Variants in EYS observed in about 807,000 individuals in gnomAD.
EYS encodes the protein EGF-like photoreceptor maintenance factor, also known as protein eyes shut homolog.
A neutral mutation model predicts 282.1 loss-of-function variants in EYS; 250 were observed. That is an observed-to-expected ratio of 0.89 (90% CI 0.80 to 0.98). EYS has a LOEUF of 0.98. Among genes scored for constraint, EYS ranks in the 50% least tolerant of loss-of-function variants. The pLI, the probability that EYS is intolerant of heterozygous loss-of-function variation, is 0.00. For synonymous variants in EYS, 1,355 were observed against 1,282.9 expected (o/e 1.06, Z -1.20); for missense variants, 4,016 against 3,709.0 (o/e 1.08, Z -2.15).
chr6:65,008,490 T>C (rs1319892720), intron 13 of EYS, among the ~76,000 whole-genome samples: 1 of 152,140 alleles, frequency 6.6e-6, no homozygotes, highest in Non-Finnish European at 1.5e-5. Flanking sequence ...GCTTTAGTCA[T>C]GGCCCTCAGG....
chr6:64,333,337 C>A (rs975161641), intron 29 of EYS, among the ~76,000 whole-genome samples: 1 of 152,060 alleles, frequency 6.6e-6, no homozygotes, highest in African/African-American at 2.4e-5. Flanking sequence ...TTGATTGCTG[C>A]CAAGCTGCAC....
rs536579100 is a variant in EYS, at chr6:64,355,033, A to C, written c.6078+33657T>G. 1.5e-4 allele frequency among the ~76,000 whole-genome samples: 23 copies of C among 151,692 alleles called. 1 individual carries two copies. The Middle Eastern group carries it at 0.01, about 67-fold the overall frequency. On this transcript the variant is annotated intron_variant, in intron 29 of 42. Transcript: ENST00000503581. ...AATCTTTACTTCATATGTTTCTTTA[A>C]AACAACTCAGGACCAAAACAATTAC...
intron 29 of EYS, among the ~76,000 whole-genome samples, chr6:64,381,291 G>A (rs373033205): frequency 3.3e-5 from 5 of 151,962 alleles, no homozygotes; most frequent in South Asian, 2.1e-4. Context: ...TCTCTTCTCC[G>A]TTCTTACGTG....
At chr6:65,344,579 C>T (rs1770325427) in intron 9 of EYS, among the ~76,000 whole-genome samples, 1 of 151,416 alleles carries the variant, frequency 6.6e-6, no homozygotes, top group Admixed American at 6.6e-5. Context: ...AGAATGTGAC[C>T]TATATTCAAG....
intron 30 of EYS, among the ~76,000 whole-genome samples, chr6:64,241,773 T>G: frequency 6.6e-6 from 1 of 152,120 alleles, no homozygotes; most frequent in Non-Finnish European, 1.5e-5. Flanking sequence ...CTAGTTCTTT[T>G]AATTGTGATA....
rs1394138508 is a variant in EYS at position 65,331,719 on chromosome 6, T to G, written c.1766+3261A>C. 1.0e-5 allele frequency: 10 copies of G among 981,388 alleles called. No homozygotes were observed. The Admixed American group carries it at 6.2e-4, about 61-fold the overall frequency. 60.8% of individuals were successfully genotyped at this position (981,388 alleles called of 1,614,324 possible). A position where few individuals can be genotyped will look rare whatever the true frequency, so the allele number is the denominator to read the frequency against. On this transcript the variant is annotated intron_variant, in intron 11 of 42. Coordinates refer to ENST00000503581, the MANE Select transcript of EYS (RefSeq NM_001142800.2). The stretch of plus-strand genomic sequence containing the variant: ...AAATAAAAAAGCTTCTGAAAATCAT[T>G]GTTTCATTAAACAAGTATTTGTTGA...
chr6:65,150,849 T>G (rs1226036218), intron 12 of EYS, among the ~76,000 whole-genome samples: 3 of 151,988 alleles, frequency 2.0e-5, no homozygotes, highest in Non-Finnish European at 4.4e-5. Context: ...TTATTACCAA[T>G]TCTATCTATT....
chr6:65,611,910 T>C (rs1423289417), intron 2 of EYS, among the ~76,000 whole-genome samples: 1 of 152,038 alleles, frequency 6.6e-6, no homozygotes, highest in Non-Finnish European at 1.5e-5. Flanking sequence ...AACAGAAGAA[T>C]AAAGTCTAAA....
intron 36 of EYS, among the ~76,000 whole-genome samples, chr6:63,843,191 C>T (rs572329842): frequency 6.6e-6 from 1 of 152,280 alleles, no homozygotes; most frequent in African/African-American, 2.4e-5. Context: ...TTATAAATTA[C>T]TTTGGGCAGT....
chr6:65,298,576 G>A (rs1190659598), intron 11 of EYS, among the ~76,000 whole-genome samples: 2 of 151,720 alleles, frequency 1.3e-5, no homozygotes, highest in Non-Finnish European at 2.9e-5. Context: ...AAAATTTGAC[G>A]AGTTGTGGTT....
At chr6:65,701,914 G>A (rs79632402) in intron 1 of EYS, among the ~76,000 whole-genome samples, 1 of 152,210 alleles carries the variant, frequency 6.6e-6, no homozygotes, top group East Asian at 1.9e-4. Context: ...TTTAATACTT[G>A]AACATATTTC....
intron 26 of EYS, among the ~76,000 whole-genome samples, chr6:64,450,338 G>A (rs1775281580): frequency 1.3e-5 from 2 of 152,182 alleles, no homozygotes; most frequent in East Asian, 1.9e-4. Context: ...CCCAATACAG[G>A]AGCACCCAGA....
intron 22 of EYS, among the ~76,000 whole-genome samples, chr6:64,684,585 G>GAAA: frequency 1.6e-5 from 2 of 126,204 alleles, no homozygotes; most frequent in Non-Finnish European, 3.7e-5. Flanking sequence ...ATAATTATAG[G>GAAA]AAAAAAAATA....
intron 12 of EYS, among the ~76,000 whole-genome samples, chr6:65,073,633 AT>A (rs1406159065): frequency 1.3e-5 from 2 of 151,646 alleles, no homozygotes; most frequent in Admixed American, 1.3e-4. Flanking sequence ...CATTGATTAT[AT>A]TTTTATATAT....
At chr6:64,379,823 CT>C (rs1229583626) in intron 29 of EYS, 1 of 152,012 alleles carries the variant, frequency 6.6e-6, no homozygotes, top group Non-Finnish European at 1.5e-5. Flanking sequence ...GTACATATGC[CT>C]ACATATATAT....
chr6:64,130,890 A>G (rs1017213385), intron 31 of EYS, among the ~76,000 whole-genome samples: 4 of 152,018 alleles, frequency 2.6e-5, no homozygotes, highest in African/African-American at 9.7e-5. Context: ...ATTTTTGAGA[A>G]GGAGTCTCGC....
chr6:64,102,639 T>C (rs977592731), intron 31 of EYS, among the ~76,000 whole-genome samples: 2 of 152,200 alleles, frequency 1.3e-5, no homozygotes, highest in Non-Finnish European at 2.9e-5. Context: ...AGTTTAGTAT[T>C]TTTTATTTTA....
At chr6:64,626,719 A>G (rs1253310168) in intron 22 of EYS, among the ~76,000 whole-genome samples, 1 of 152,172 alleles carries the variant, frequency 6.6e-6, no homozygotes, top group Non-Finnish European at 1.5e-5. Context: ...CCTTGCTGAC[A>G]CTTTAGTTGG....
intron 22 of EYS, among the ~76,000 whole-genome samples, chr6:64,677,599 TG>T (rs1399333069): frequency 5.3e-5 from 8 of 152,170 alleles, no homozygotes; most frequent in African/African-American, 1.7e-4. Flanking sequence ...TTTTATAGTT[TG>T]GTAATTTTCT....
Sources: allele counts gnomAD v4.1 joint callset (sites outside exome capture counted in the v4.1 genomes callset), GRCh38; gene constraint gnomAD v4.1.1; transcripts MANE v1.5; gene names NCBI Gene and HGNC (gene_info 2026-07-23, HGNC 2026-07-21).